Variants in CACHD1 observed in about 807,000 individuals in gnomAD.
CACHD1 encodes the protein VWFA and cache domain-containing protein 1.
A neutral mutation model predicts 138.7 loss-of-function variants in CACHD1; 71 were observed. The observed-to-expected ratio is 0.51, with a 90% CI of 0.42 to 0.62. The LOEUF is 0.62. Among genes scored for constraint, CACHD1 ranks in the 20% least tolerant of loss-of-function variants. The pLI is 0.00. For synonymous variants in CACHD1, 578 were observed against 591.5 expected (o/e 0.98, Z 0.33); for missense variants, 1,389 against 1,625.3 (o/e 0.85, Z 2.50).
chr1:64,522,374 C>T (rs1383920242), intron 1 of CACHD1, among the ~76,000 whole-genome samples: 2 of 151,928 alleles, frequency 1.3e-5, no homozygotes, highest in African/African-American at 4.8e-5. Context: ...GTGGCATGAT[C>T]TCGGCTCACT....
chr1:64,542,396 G>C (rs1462328975), intron 1 of CACHD1, among the ~76,000 whole-genome samples: 3 of 151,968 alleles, frequency 2.0e-5, no homozygotes. Flanking sequence ...ATACAAACTG[G>C]AATAGCCCTG....
chr1:64,679,567 G>A, intron 23 of CACHD1, 28 bp from the exon 24 acceptor site: 1 of 1,611,402 alleles, frequency 6.2e-7, no homozygotes, highest in South Asian at 1.1e-5. Flanking sequence ...ATCTTAACAA[G>A]AAACATCTTC....
At chr1:64,566,118 C>A (rs1646878613) in intron 2 of CACHD1, among the ~76,000 whole-genome samples, 1 of 152,038 alleles carries the variant, frequency 6.6e-6, no homozygotes, top group African/African-American at 2.4e-5. Context: ...AGTTTTTACC[C>A]CCTTCTCTAT....
At chr1:64,689,567 A>G (rs1234085924) in intron 26 of CACHD1, among the ~76,000 whole-genome samples, 1 of 152,028 alleles carries the variant, frequency 6.6e-6, no homozygotes, top group Non-Finnish European at 1.5e-5. Flanking sequence ...TCCTCTAAAC[A>G]CAAATGATCA....
chr1:64,609,028 C>T (rs1647434217), intron 4 of CACHD1, among the ~76,000 whole-genome samples: 1 of 152,044 alleles, frequency 6.6e-6, no homozygotes, highest in Admixed American at 6.5e-5. Flanking sequence ...ACGGGATTCA[C>T]GGGGTGTAAG....
chr1:64,566,506 A>G (rs68143017), intron 2 of CACHD1, among the ~76,000 whole-genome samples: 68,712 of 124,132 alleles, frequency 0.55, 22,620 homozygotes, highest in Non-Finnish European at 0.71. Context: ...GTATGGGGGA[A>G]GTACTGCCTG....
chr1:64,627,397 A>C (rs1210845510), intron 4 of CACHD1, among the ~76,000 whole-genome samples: 1 of 152,102 alleles, frequency 6.6e-6, no homozygotes, highest in Admixed American at 6.6e-5. Context: ...ACAGAGTGAG[A>C]CCCTGTCTCA....
chr1:64,588,420 C>CTT (rs149322683), intron 3 of CACHD1, among the ~76,000 whole-genome samples: 10 of 145,122 alleles, frequency 6.9e-5, no homozygotes, highest in Non-Finnish European at 1.2e-4. Context: ...CAAATCAATA[C>CTT]TTTTTTTTTT....
At chr1:64,642,596 C>A (rs1164410848) in intron 8 of CACHD1, among the ~76,000 whole-genome samples, 2 of 152,086 alleles carry the variant, frequency 1.3e-5, no homozygotes, top group African/African-American at 4.8e-5. Flanking sequence ...ACATTTTTTC[C>A]CTTCTGCTAT....
At chr1:64,668,767 A>G (rs1383165587) in intron 16 of CACHD1, among the ~76,000 whole-genome samples, 1 of 152,076 alleles carries the variant, frequency 6.6e-6, no homozygotes, top group Non-Finnish European at 1.5e-5. Context: ...TTTACTATTT[A>G]GAGCTGTGTA....
chr1:64,564,336 A>T (rs1188473835), intron 2 of CACHD1, among the ~76,000 whole-genome samples: 1 of 151,988 alleles, frequency 6.6e-6, no homozygotes, highest in East Asian at 1.9e-4. Context: ...GACAACCTTT[A>T]TTCCCCGTGC....
intron 7 of CACHD1, among the ~76,000 whole-genome samples, chr1:64,640,741 T>TTATATATATATATATATATATA (rs67605354): frequency 1.9e-4 from 28 of 149,396 alleles, no homozygotes; most frequent in African/African-American, 6.6e-4. Flanking sequence ...ACTCTCAACA[T>TTATATATATATATATATATATA]TATATATATA....
At chr1:64,500,590 T>C (rs1050565947) in intron 1 of CACHD1, among the ~76,000 whole-genome samples, 1 of 151,926 alleles carries the variant, frequency 6.6e-6, no homozygotes, top group Non-Finnish European at 1.5e-5. Flanking sequence ...CAGTGGCTCA[T>C]GTTTGTAATC....
intron 1 of CACHD1, among the ~76,000 whole-genome samples, chr1:64,515,810 A>G (rs1646454724): frequency 6.6e-6 from 1 of 152,208 alleles, no homozygotes; most frequent in African/African-American, 2.4e-5. Flanking sequence ...TTCTACGATT[A>G]TAGAAAGGTG....
chr1:64,550,966 G>A (rs950144530), intron 2 of CACHD1, among the ~76,000 whole-genome samples: 4 of 152,152 alleles, frequency 2.6e-5, no homozygotes, highest in African/African-American at 9.7e-5. Flanking sequence ...TAGAAAATAA[G>A]TGTCCAGGCT....
intron 17 of CACHD1, 47 bp from the exon 18 acceptor site, chr1:64,673,111 A>G (rs780958525): frequency 6.6e-6 from 10 of 1,516,922 alleles, no homozygotes; most frequent in Non-Finnish European, 6.3e-6. Flanking sequence ...TTTGAAAAAA[A>G]AAAAAACAGC....
rs2100672876 is a variant in CACHD1, at chr1:64,647,847, T to C, written c.1203T>C (p.Ala401=). The C allele has an allele frequency of 6.2e-7, 1 of 1,614,200 alleles. No individual in the cohort carries two copies. The highest frequency in any genetic ancestry group is 8.5e-7 in the Non-Finnish European group (1 of 1,180,032). ...AGCTGGCTTTTCTGAGGGATCTAGC[T>C]GAACAGAATTCAGGGAAGTACGGTG... ...LKELAFLRDL[A]EQNSGKYGVP... is the part of the protein sequence containing the mutation. Residue 401 remains alanine, a synonymous_variant, in exon 9 of 27, where the codon GCT becomes GCC. Transcript: ENST00000651257.
chr1:64,568,780 GCA>G (rs1213760590), intron 2 of CACHD1, among the ~76,000 whole-genome samples: 2 of 152,144 alleles, frequency 1.3e-5, no homozygotes, highest in African/African-American at 2.4e-5. Context: ...ATACACTCAT[GCA>G]CACACCCTGT....
chr1:64,685,777 G>A (rs1228578180), intron 26 of CACHD1, among the ~76,000 whole-genome samples: 1 of 151,674 alleles, frequency 6.6e-6, no homozygotes. Context: ...GGTCAAGGTT[G>A]CAGTGAGCCA....
Sources: allele counts gnomAD v4.1 joint callset (sites outside exome capture counted in the v4.1 genomes callset), GRCh38; gene constraint gnomAD v4.1.1; transcripts MANE v1.5; gene names NCBI Gene and HGNC (gene_info 2026-07-23, HGNC 2026-07-21).